Variants in OSBPL11 observed in about 807,000 individuals in gnomAD.
OSBPL11 encodes the protein oxysterol binding protein like 11, also known as oxysterol-binding protein-related protein 11.
In OSBPL11, 33 loss-of-function variants were observed where a neutral mutation model predicts 84.4. The observed-to-expected ratio is 0.39, with a 90% CI of 0.30 to 0.52. OSBPL11 has a LOEUF of 0.52. OSBPL11 is among the 20% of genes least tolerant of loss of function. The pLI is 0.72. For synonymous variants in OSBPL11, 276 were observed against 310.2 expected, an observed-to-expected ratio of 0.89 and a Z score of 1.16; for missense variants, 736 against 901.1, an observed-to-expected ratio of 0.82 and a Z score of 2.35.
chr3:125,580,171 G>A (rs1580061035), intron 2 of OSBPL11, 131 bp from the exon 3 acceptor site: 1 of 768,612 alleles, frequency 1.3e-6, no homozygotes, highest in East Asian at 2.7e-5. Flanking sequence ...ATTTCAAGAG[G>A]TACCTGGAAA....
intron 2 of OSBPL11, among the ~76,000 whole-genome samples, chr3:125,581,880 G>A (rs2107610253): frequency 6.6e-6 from 1 of 151,602 alleles, no homozygotes; most frequent in East Asian, 2.0e-4. Context: ...GGAGGCTGGG[G>A]CAGGAGGATG....
Position 125,573,968 on chromosome 3 carries a change from C to T in OSBPL11, c.666+2221G>A, listed in dbSNP as rs377416018. Among the ~76,000 whole-genome samples the T allele has an allele frequency of 1.3e-4, 19 of 150,750 alleles. No individual in the cohort carries two copies. In the East Asian group the frequency reaches 3.1e-3, roughly 25 times the overall value. On this transcript the variant is annotated intron_variant, in intron 5 of 12. Transcript: ENST00000296220. The stretch of plus-strand genomic sequence containing the variant: ...TACCCACAGATTTGATTAAAATGTT[C>T]GTTTCAAACTCACACCAATTTATAT...
At chr3:125,547,966 C>T (rs1271321835) in intron 9 of OSBPL11, among the ~76,000 whole-genome samples, 1 of 152,124 alleles carries the variant, frequency 6.6e-6, no homozygotes, top group African/African-American at 2.4e-5. Context: ...CAACCTCCGA[C>T]TCCTGGGTCG....
intron 8 of OSBPL11, 63 bp downstream of exon 8, chr3:125,560,316 A>C: frequency 3.1e-6 from 4 of 1,298,834 alleles, no homozygotes; most frequent in Non-Finnish European, 4.0e-6. Flanking sequence ...TCCTGACATA[A>C]ACATGAACAA....
intron 1 of OSBPL11, among the ~76,000 whole-genome samples, chr3:125,590,530 G>C (rs1936580084): frequency 6.6e-6 from 1 of 151,976 alleles, no homozygotes; most frequent in African/African-American, 2.4e-5. Flanking sequence ...ACTCCAGCCT[G>C]CACAAGAGGA....
intron 1 of OSBPL11, among the ~76,000 whole-genome samples, chr3:125,588,052 T>C (rs1408389189): frequency 6.6e-6 from 1 of 151,906 alleles, no homozygotes; most frequent in Non-Finnish European, 1.5e-5. Flanking sequence ...TAAAACCCTA[T>C]CTCTACTAAA....
In OSBPL11 at chr3:125,580,033, C is replaced by T; in HGVS notation, c.241G>A (p.Val81Ile). The T allele has an allele frequency of 6.2e-7, 1 of 1,601,994 alleles. No homozygotes were observed. Among genetic ancestry groups the T allele is most frequent in the Non-Finnish European group, 8.5e-7 (1 of 1,176,616 alleles). Reference sequence around the variant, plus strand: ...AACAGCCCAGCTTCATTGTTTAAAACAAAAAACCTGTAATGATTTTTTAAA... The same window carrying T: ...AACAGCCCAGCTTCATTGTTTAAAATAAAAAACCTGTAATGATTTTTTAAA... ...LVTGWQYRFF[V>I]LNNEAGLLEY... The change falls in exon 3 of 13, where the codon GTT (valine) becomes ATT (isoleucine). Residue 81 changes from valine to isoleucine, a missense_variant. By Grantham distance (29) the Val-to-Ile change is conservative (BLOSUM62 3). Transcript: ENST00000296220.
intron 5 of OSBPL11, among the ~76,000 whole-genome samples, chr3:125,575,345 C>A (rs1267848571): frequency 1.3e-5 from 2 of 151,480 alleles, no homozygotes; most frequent in African/African-American, 2.4e-5. Context: ...ATATATATAT[C>A]CATTTCTATA....
chr3:125,573,009 T>C (rs950566122), intron 5 of OSBPL11, among the ~76,000 whole-genome samples: 1 of 148,328 alleles, frequency 6.7e-6, no homozygotes, highest in African/African-American at 2.5e-5. Flanking sequence ...ATAGTATATA[T>C]AGTGTGTGTG....
At chr3:125,534,168 G>C (rs1450694698) in intron 11 of OSBPL11, among the ~76,000 whole-genome samples, 1 of 152,056 alleles carries the variant, frequency 6.6e-6, no homozygotes. Context: ...ATCACTTGAG[G>C]TCAGGAGTTT....
chr3:125,575,801 T>G (rs543612813), intron 5 of OSBPL11, among the ~76,000 whole-genome samples: 1 of 152,074 alleles, frequency 6.6e-6, no homozygotes, highest in East Asian at 1.9e-4. Context: ...CTTCCCAAAG[T>G]GCTGAGATTA....
In OSBPL11 at chr3:125,594,681, G is replaced by A. The variant is rs1580070102; in HGVS notation, c.120C>T (p.Ser40=). ...CACTGCCACCGCGGCTGCTGCTGCT[G>A]CTACTGATTCCACCTCCACAGCTGC... ...KNSSCGGGIS[S]SSSSRGGSAK... The change falls in exon 1 of 13, where the codon AGC becomes AGT. Residue 40 remains serine (S), a synonymous_variant. Coordinates refer to ENST00000296220, the MANE Select transcript of OSBPL11 (RefSeq NM_022776.5). The A allele has an allele frequency of 6.2e-7, 1 of 1,613,950 alleles. No individual in the cohort carries two copies. The highest frequency in any genetic ancestry group is 1.7e-5 in the Admixed American group (1 of 59,994).
intron 2 of OSBPL11, 103 bp downstream of exon 2, chr3:125,582,807 T>C: frequency 1.1e-6 from 1 of 872,502 alleles, no homozygotes; most frequent in Non-Finnish European, 1.8e-6. Context: ...TCTAAAAGGT[T>C]TCCCAGCCAT....
intron 3 of OSBPL11, 142 bp downstream of exon 3, chr3:125,579,723 C>G: frequency 1.4e-6 from 1 of 718,780 alleles, no homozygotes; most frequent in Non-Finnish European, 2.3e-6. Context: ...ATTCTCAAAG[C>G]AGTTCCAAGG....
chr3:125,584,557 A>C (rs74857563), intron 1 of OSBPL11, among the ~76,000 whole-genome samples: 16,067 of 152,102 alleles, frequency 0.11, 915 homozygotes, highest in Middle Eastern at 0.12. Flanking sequence ...TCTTTAATCT[A>C]GGTTCTCTAC....
intron 5 of OSBPL11, among the ~76,000 whole-genome samples, chr3:125,572,018 C>A (rs1427932770): frequency 1.3e-5 from 2 of 152,250 alleles, no homozygotes; most frequent in African/African-American, 4.8e-5. Flanking sequence ...TGAAAGCAGC[C>A]AGGAGGGAGG....
At chr3:125,573,581 G>C (rs1936273768) in intron 5 of OSBPL11, among the ~76,000 whole-genome samples, 1 of 152,114 alleles carries the variant, frequency 6.6e-6, no homozygotes. Context: ...GCTGCTTTTA[G>C]GCCAGGTGCG....
chr3:125,530,411 C>G lies in OSBPL11; in HGVS notation c.*104G>C. On this transcript the variant is annotated 3_prime_UTR_variant, in exon 13 of 13. Transcript: ENST00000296220. ...ACATTCAGGTTTAGCTAGTTTCAGT[C>G]TGCGCAATCAGGAAGCAGGTCACTC... is the stretch of plus-strand genomic sequence containing the variant. The G allele has an allele frequency of 1.9e-6, 2 of 1,041,692 alleles. No individual in the cohort carries two copies. Among genetic ancestry groups the G allele is most frequent in the East Asian group, 4.8e-5 (2 of 41,482 alleles). The allele number at this position is 1,041,692 out of a possible 1,614,324, so 64.5% of individuals were successfully genotyped here. A position where few individuals can be genotyped will look rare whatever the true frequency, so the allele number is the denominator to read the frequency against.
chr3:125,564,278 A>C (rs1936124598), intron 6 of OSBPL11, among the ~76,000 whole-genome samples: 1 of 152,238 alleles, frequency 6.6e-6, no homozygotes, highest in African/African-American at 2.4e-5. Flanking sequence ...TACTCTCAGC[A>C]ACAATTGTCT....
Sources: allele counts gnomAD v4.1 joint callset (sites outside exome capture counted in the v4.1 genomes callset), GRCh38; gene constraint gnomAD v4.1.1; transcripts MANE v1.5; gene names NCBI Gene and HGNC (gene_info 2026-07-23, HGNC 2026-07-21).